LAMA2: variants seen among roughly 807,000 people sequenced by gnomAD.
LAMA2 encodes the protein laminin subunit alpha 2, also known as laminin subunit alpha-2.
Under a neutral mutation model 364.8 loss-of-function variants are expected in LAMA2, and 269 were observed. The ratio of observed to expected loss-of-function variants is 0.74; its 90% CI spans 0.67 to 0.82. LAMA2 has a LOEUF of 0.82. Ranked by LOEUF, LAMA2 falls within the 40% of genes least tolerant of loss-of-function variation. LAMA2 has a pLI of 0.00. For missense variants in LAMA2, 3,807 were observed against 3,873.2 expected, an observed-to-expected ratio of 0.98 and a Z score of 0.45; for synonymous variants, 1,379 against 1,370.6, an observed-to-expected ratio of 1.01 and a Z score of -0.14.
intron 1 of LAMA2, among the ~76,000 whole-genome samples, chr6:129,022,479 C>T (rs535882724): frequency 2.2e-4 from 33 of 152,254 alleles, no homozygotes; most frequent in African/African-American, 7.0e-4. Context: ...GTTATAAATT[C>T]ATTCTCAGTT....
At chr6:129,346,659 C>T (rs1454641994) in intron 30 of LAMA2, among the ~76,000 whole-genome samples, 1 of 152,102 alleles carries the variant, frequency 6.6e-6, no homozygotes, top group Non-Finnish European at 1.5e-5. Flanking sequence ...GGGCCCAACT[C>T]AATGCTAGGC....
intron 32 of LAMA2, among the ~76,000 whole-genome samples, chr6:129,356,903 T>G (rs1488568896): frequency 6.6e-6 from 1 of 152,108 alleles, no homozygotes; most frequent in Non-Finnish European, 1.5e-5. Context: ...AGAGACTGTC[T>G]TCTATGCAGA....
intron 4 of LAMA2, among the ~76,000 whole-genome samples, chr6:129,107,504 A>T (rs1425237869): frequency 6.6e-6 from 1 of 152,082 alleles, no homozygotes; most frequent in Non-Finnish European, 1.5e-5. Context: ...AAAGCAAAAA[A>T]CCACAAGCTT....
At chr6:129,252,909 C>T (rs938824065) in intron 14 of LAMA2, among the ~76,000 whole-genome samples, 2 of 152,108 alleles carry the variant, frequency 1.3e-5, no homozygotes, top group South Asian at 2.1e-4. Context: ...CCTTGAGGAA[C>T]GTTTCTTTTC....
At chr6:128,937,085 T>C (rs897264791) in intron 1 of LAMA2, among the ~76,000 whole-genome samples, 7 of 152,174 alleles carry the variant, frequency 4.6e-5, no homozygotes, top group African/African-American at 1.7e-4. Context: ...TTCCACTTAA[T>C]ATTTTCAGAC....
At chr6:129,508,097 T>A (rs1269488370) in intron 62 of LAMA2, among the ~76,000 whole-genome samples, 2 of 152,214 alleles carry the variant, frequency 1.3e-5, no homozygotes, top group Non-Finnish European at 2.9e-5. Flanking sequence ...TGACAATGAC[T>A]GGCATCTTTC....
intron 41 of LAMA2, among the ~76,000 whole-genome samples, chr6:129,435,247 A>T (rs1366841647): frequency 2.0e-5 from 3 of 152,182 alleles, no homozygotes; most frequent in Non-Finnish European, 2.9e-5. Flanking sequence ...AATCCAATCA[A>T]GAAGCTAAGA....
intron 17 of LAMA2, among the ~76,000 whole-genome samples, chr6:129,274,269 A>G (rs1396481376): frequency 2.6e-5 from 4 of 151,970 alleles, no homozygotes; most frequent in Non-Finnish European, 5.9e-5. Flanking sequence ...ACTAAACAAG[A>G]CACTTAATGA....
Position 129,128,679 on chromosome 6 carries a change from C to T in LAMA2, c.640-15222C>T, listed in dbSNP as rs531360327. ...TGCCTTCTTCAATTTCTTTCATCAACATTTTACAGTTTGCAGTGTATGCAG... is the reference window on the plus strand; with the variant it reads ...TGCCTTCTTCAATTTCTTTCATCAATATTTTACAGTTTGCAGTGTATGCAG... On this transcript the variant is annotated intron_variant, in intron 4 of 64. Coordinates refer to ENST00000421865, the MANE Select transcript of LAMA2 (RefSeq NM_000426.4). 5.3e-5 allele frequency among the ~76,000 whole-genome samples: 8 copies of T among 152,292 alleles called. No homozygotes were observed. The South Asian group carries it at 1.7e-3, about 32-fold the overall frequency.
In LAMA2 at chr6:129,499,776, G is replaced by A. The variant is rs571360832; in HGVS notation, c.8245-2883G>A. 1.3e-3 allele frequency among the ~76,000 whole-genome samples: 196 copies of A among 152,258 alleles called. 2 individuals are homozygous for A. The highest frequency in any genetic ancestry group is 4.4e-3 in the African/African-American group (181 of 41,534). ...TCTACTGTCCAGGTTGGAGTGCAGT[G>A]ATGCAATCATAGCTCACTCTAACCT... On this transcript the variant is annotated intron_variant, in intron 58 of 64. Transcript: ENST00000421865.
At chr6:129,397,558 T>C (rs1056845879) in intron 37 of LAMA2, among the ~76,000 whole-genome samples, 1 of 152,130 alleles carries the variant, frequency 6.6e-6, no homozygotes, top group African/African-American at 2.4e-5. Flanking sequence ...TATACTTTTG[T>C]CAATATTTGT....
At chr6:129,400,631 A>T (rs959682176) in intron 37 of LAMA2, among the ~76,000 whole-genome samples, 1 of 152,236 alleles carries the variant, frequency 6.6e-6, no homozygotes, top group Admixed American at 6.5e-5. Flanking sequence ...TTACTCTTCT[A>T]GGCCAGGATT....
intron 1 of LAMA2, among the ~76,000 whole-genome samples, chr6:128,886,606 T>C (rs1016851664): frequency 6.6e-6 from 1 of 152,114 alleles, no homozygotes; most frequent in African/African-American, 2.4e-5. Flanking sequence ...GTAAAATCTT[T>C]CCATCTGAAC....
intron 4 of LAMA2, among the ~76,000 whole-genome samples, chr6:129,113,992 A>AG (rs1283307719): frequency 7.2e-5 from 11 of 152,016 alleles, no homozygotes; most frequent in Non-Finnish European, 1.6e-4. Flanking sequence ...TAGCCAAATG[A>AG]GATTTTTATC....
intron 1 of LAMA2, among the ~76,000 whole-genome samples, chr6:128,917,878 C>T (rs1778444586): frequency 6.6e-6 from 1 of 151,558 alleles, no homozygotes; most frequent in Non-Finnish European, 1.5e-5. Flanking sequence ...GGACTACAGG[C>T]TCTTGCCACC....
At chr6:129,333,229 T>C (rs887676535) in intron 29 of LAMA2, among the ~76,000 whole-genome samples, 1 of 152,180 alleles carries the variant, frequency 6.6e-6, no homozygotes, top group Non-Finnish European at 1.5e-5. Flanking sequence ...AATTGTGCTT[T>C]CACTTGTCAA....
chr6:129,012,459 TAAG>T (rs1784823288), intron 1 of LAMA2, among the ~76,000 whole-genome samples: 1 of 152,224 alleles, frequency 6.6e-6, no homozygotes, highest in Admixed American at 6.5e-5. Flanking sequence ...ATTTATGATA[TAAG>T]AAGTATTCTG....
rs747860244 is a variant in LAMA2 at position 128,883,297 on chromosome 6, G to T, written c.52G>T (p.Gly18Trp). ...CCTTCTGCTGCTCTCCGGAGGCCTCGGGGGCGTACAGGCGCAGCGGCCGCA... is the reference window on the plus strand; with the variant it reads ...CCTTCTGCTGCTCTCCGGAGGCCTCTGGGGCGTACAGGCGCAGCGGCCGCA... ...LLLLLLSGGLGGVQAQRPQQQ... is the reference protein window; with the variant it reads ...LLLLLLSGGLWGVQAQRPQQQ... The change falls in exon 1 of 65, where the codon GGG becomes TGG. Residue 18 changes from glycine to tryptophan, a missense_variant. By Grantham distance (184) the Gly-to-Trp change is radical. Transcript: ENST00000421865. 3.8e-6 allele frequency: 6 copies of T among 1,589,060 alleles called. No homozygotes were observed. The East Asian group carries it at 1.1e-4, about 30-fold the overall frequency.
At chr6:129,135,783 A>C (rs1326584940) in intron 4 of LAMA2, among the ~76,000 whole-genome samples, 2 of 152,196 alleles carry the variant, frequency 1.3e-5, no homozygotes, top group Non-Finnish European at 2.9e-5. Flanking sequence ...TCTTAGCTTA[A>C]CAGCACAAAG....
Sources: gnomAD v4.1 joint callset for allele counts (sites outside exome capture counted in the v4.1 genomes callset) on GRCh38, gnomAD v4.1.1 for gene constraint, MANE v1.5 for transcripts, NCBI Gene and HGNC (gene_info 2026-07-23, HGNC 2026-07-21) for gene names.